The following GRM7 variants were observed in gnomAD, a reference collection of about 807,000 sequenced individuals.
GRM7 encodes metabotropic glutamate receptor 7.
Under a neutral mutation model 84.5 loss-of-function variants are expected in GRM7, and 35 were observed. The observed-to-expected ratio is 0.41, with a 90% CI of 0.32 to 0.55. The LOEUF is 0.55. Ranked by LOEUF, GRM7 falls within the 20% of genes least tolerant of loss-of-function variation. The pLI, the probability that GRM7 is intolerant of heterozygous loss-of-function variation, is 0.19. For missense variants in GRM7, 1,003 were observed against 1,194.6 expected, an observed-to-expected ratio of 0.84 and a Z score of 2.36; for synonymous variants, 487 against 455.1, an observed-to-expected ratio of 1.07 and a Z score of -0.89.
chr3:7,321,711 T>C (rs74436765), intron 4 of GRM7, among the ~76,000 whole-genome samples: 2 of 150,698 alleles, frequency 1.3e-5, no homozygotes, highest in East Asian at 3.9e-4. Flanking sequence ...GGGAATTTGC[T>C]TTTTAGGAAT....
chr3:7,447,870 C>T (rs1269872621), intron 5 of GRM7, among the ~76,000 whole-genome samples: 1 of 151,056 alleles, frequency 6.6e-6, no homozygotes, highest in African/African-American at 2.4e-5. Context: ...TTTAGCATTA[C>T]ATATATCTCC....
chr3:7,211,534 C>T (rs1009304823), intron 2 of GRM7, among the ~76,000 whole-genome samples: 1 of 151,634 alleles, frequency 6.6e-6, no homozygotes, highest in Non-Finnish European at 1.5e-5. Context: ...TAAAGTCAAC[C>T]CATTACCTTT....
At chr3:7,093,516 A>G (rs1698740093) in intron 1 of GRM7, among the ~76,000 whole-genome samples, 2 of 151,350 alleles carry the variant, frequency 1.3e-5, no homozygotes, top group South Asian at 4.2e-4. Flanking sequence ...CGTCTCTAAT[A>G]AAATACAAAA....
intron 8 of GRM7, among the ~76,000 whole-genome samples, chr3:7,657,579 C>T (rs1183743567): frequency 6.6e-6 from 1 of 151,220 alleles, no homozygotes; most frequent in Non-Finnish European, 1.5e-5. Context: ...CTTTTTTTTT[C>T]CAGTAGGAAT....
At chr3:7,291,998 CTT>C (rs1320282668) in intron 2 of GRM7, among the ~76,000 whole-genome samples, 4 of 152,198 alleles carry the variant, frequency 2.6e-5, no homozygotes, top group African/African-American at 9.7e-5. Flanking sequence ...CATTTTCACT[CTT>C]GTGTGCTGCC....
In GRM7 at chr3:7,443,306, G is replaced by A. The variant is rs552767163; in HGVS notation, c.1175-9301G>A. 2.6e-5 allele frequency among the ~76,000 whole-genome samples: 4 copies of A among 152,042 alleles called. No individual in the cohort carries two copies. The South Asian group carries it at 8.3e-4, about 32-fold the overall frequency. On this transcript the variant is annotated intron_variant, in intron 5 of 9. Transcript: ENST00000357716. Reference sequence around the variant, plus strand: ...ATATGGTTTTATTTTAAACACTTCAGCATGCAACTTTAAGATATAATTGCT... The same window carrying A: ...ATATGGTTTTATTTTAAACACTTCAACATGCAACTTTAAGATATAATTGCT...
rs73810662 is a variant in GRM7 at position 7,471,522 on chromosome 3, G to A, written c.1515+9800G>A. Among the ~76,000 whole-genome samples, 1,172 of 152,216 alleles carry A rather than the reference G, an allele frequency of 7.7e-3. 11 individuals are homozygous for A. Among genetic ancestry groups the A allele is most frequent in the African/African-American group, 0.027 (1,106 of 41,518 alleles). ...TCTGTCCTCAAAGCTGGCAATGGCA[G>A]GTCAAGTTCCTCTGAGCATCCAGTC... On this transcript the variant is annotated intron_variant, in intron 7 of 9. Coordinates refer to ENST00000357716, the MANE Select transcript of GRM7 (RefSeq NM_000844.4).
chr3:7,547,061 C>A (rs1693187455), intron 7 of GRM7, among the ~76,000 whole-genome samples: 1 of 151,972 alleles, frequency 6.6e-6, no homozygotes, highest in African/African-American at 2.4e-5. Flanking sequence ...CCCCCAAGGC[C>A]TAAACTAGGA....
Position 7,508,458 on chromosome 3 carries a change from A to G in GRM7, c.1515+46736A>G, listed in dbSNP as rs543615700. On this transcript the variant is annotated intron_variant, in intron 7 of 9. Coordinates refer to ENST00000357716, the MANE Select transcript of GRM7 (RefSeq NM_000844.4). ...ATAGAGTAAATAATATTAGTGTATA[A>G]TTATATACACATGCACACACATATG... Among the ~76,000 whole-genome samples the G allele has an allele frequency of 1.1e-4, 16 of 152,286 alleles. No homozygotes were observed. The South Asian group carries it at 3.3e-3, about 32-fold the overall frequency.
chr3:7,534,766 A>G (rs1489501157), intron 7 of GRM7, among the ~76,000 whole-genome samples: 2 of 152,202 alleles, frequency 1.3e-5, no homozygotes, highest in African/African-American at 4.8e-5. Flanking sequence ...CAATATGACA[A>G]GTAAGTAAAA....
intron 2 of GRM7, among the ~76,000 whole-genome samples, chr3:7,279,084 A>G (rs1238552630): frequency 2.6e-5 from 4 of 152,178 alleles, no homozygotes; most frequent in East Asian, 3.9e-4. Flanking sequence ...GTTTTTCAAC[A>G]TAGATAAGAA....
intron 9 of GRM7, chr3:7,691,202 T>G: frequency 8.9e-7 from 1 of 1,120,170 alleles, no homozygotes. Flanking sequence ...CTCTGCCCTT[T>G]TTCATAGTAA....
intron 7 of GRM7, among the ~76,000 whole-genome samples, chr3:7,480,846 T>C (rs1699101494): frequency 6.6e-6 from 1 of 152,252 alleles, no homozygotes; most frequent in South Asian, 2.1e-4. Context: ...TTCAGATGAG[T>C]TGTGGACCAC....
At chr3:7,483,569 G>T (rs527718182) in intron 7 of GRM7, among the ~76,000 whole-genome samples, 1 of 152,312 alleles carries the variant, frequency 6.6e-6, no homozygotes, top group East Asian at 1.9e-4. Context: ...TCTGTCTTGG[G>T]CCTGGAGAAG....
chr3:7,130,807 G>A (rs1285649340), intron 1 of GRM7, among the ~76,000 whole-genome samples: 1 of 152,120 alleles, frequency 6.6e-6, no homozygotes, highest in East Asian at 1.9e-4. Context: ...TCTGGATGTA[G>A]GAAGGAATAT....
intron 1 of GRM7, among the ~76,000 whole-genome samples, chr3:6,913,713 G>A (rs945500353): frequency 5.9e-5 from 9 of 152,174 alleles, no homozygotes; most frequent in Non-Finnish European, 1.2e-4. Context: ...AAGTTTTAGA[G>A]TACGCACAGT....
intron 5 of GRM7, among the ~76,000 whole-genome samples, chr3:7,441,785 T>C (rs1031342660): frequency 4.6e-5 from 7 of 152,186 alleles, no homozygotes; most frequent in Non-Finnish European, 7.4e-5. Flanking sequence ...ATCAGATGGC[T>C]GTAAGTGTGC....
At chr3:7,333,096 A>G (rs528071100) in intron 4 of GRM7, among the ~76,000 whole-genome samples, 8 of 152,264 alleles carry the variant, frequency 5.3e-5, no homozygotes, top group Admixed American at 2.6e-4. Context: ...CCCTGCTCCA[A>G]AGAATGAAAA....
intron 8 of GRM7, among the ~76,000 whole-genome samples, chr3:7,627,917 A>G (rs1575570987): frequency 6.6e-6 from 1 of 152,192 alleles, no homozygotes; most frequent in East Asian, 1.9e-4. Flanking sequence ...TAAAAATTTC[A>G]GTCACCAAAT....
Sources: allele counts gnomAD v4.1 joint callset (sites outside exome capture counted in the v4.1 genomes callset), GRCh38; gene constraint gnomAD v4.1.1; transcripts MANE v1.5; gene names NCBI Gene and HGNC (gene_info 2026-07-23, HGNC 2026-07-21).